HTR1D: variants seen among roughly 807,000 people sequenced by gnomAD.
HTR1D encodes 5-hydroxytryptamine receptor 1D, also known as 5-HT-1D.
HTR1D carries 18 observed loss-of-function variants against 21.1 expected under a neutral mutation model. The ratio of observed to expected loss-of-function variants is 0.85; its 90% CI spans 0.59 to 1.27. HTR1D has a LOEUF of 1.27. Among genes scored for constraint, HTR1D ranks in the 50% most tolerant of loss-of-function variants. The pLI is 0.00. For missense variants in HTR1D, 456 were observed against 481.4 expected, an observed-to-expected ratio of 0.95 and a Z score of 0.49; for synonymous variants, 196 against 204.4, an observed-to-expected ratio of 0.96 and a Z score of 0.35.
chr1:23,194,438 C>T lies in HTR1D; in HGVS notation c.-219G>A, dbSNP rs143351857. 1.8e-3 allele frequency: 592 copies of T among 335,016 alleles called. 4 individuals carry two copies. Among genetic ancestry groups the T allele is most frequent in the African/African-American group, 0.011 (530 of 46,792 alleles). The allele number at this position is 335,016 out of a possible 1,614,324, so 20.8% of individuals were successfully genotyped here. ...ATAATAATAATAATATTAAACAAGA[C>T]CGGACTATTTGAAGAATGCTGAGAC... On this transcript the variant is annotated 5_prime_UTR_variant, in exon 2 of 2. Transcript: ENST00000374619.
In HTR1D at chr1:23,217,185, G is replaced by T. The variant is rs1431022964; in HGVS notation, c.-783+106C>A. ...CGCCCGTCCGAGGGCACAGAGAGGC[G>T]GGACGCCCCGGGCCCCCGAGGCCCC... On this transcript the variant is annotated intron_variant, in intron 1 of 1. Coordinates refer to ENST00000374619, the MANE Select transcript of HTR1D (RefSeq NM_000864.5). This position sits in a 1 kb window ranked among gnomAD's most constrained non-coding sequence, Gnocchi z 4.6. Among the ~76,000 whole-genome samples, 1 of 151,596 alleles carries T rather than the reference G, an allele frequency of 6.6e-6. No homozygotes were observed. The highest frequency in any genetic ancestry group is 1.5e-5 in the Non-Finnish European group (1 of 67,810).
intron 1 of HTR1D, among the ~76,000 whole-genome samples, chr1:23,205,929 T>C (rs979025911): frequency 5.9e-5 from 9 of 152,224 alleles, no homozygotes; most frequent in African/African-American, 1.9e-4. Flanking sequence ...CCACTCCCAC[T>C]GCCACTGTTC....
At chr1:23,210,020 T>TGTG (rs1233551792) in intron 1 of HTR1D, among the ~76,000 whole-genome samples, 2 of 152,128 alleles carry the variant, frequency 1.3e-5, no homozygotes, top group Non-Finnish European at 2.9e-5. Context: ...CTTGAATGTG[T>TGTG]ACATGCATTA....
chr1:23,215,230 A>G (rs1001972824), intron 1 of HTR1D, among the ~76,000 whole-genome samples: 3 of 152,260 alleles, frequency 2.0e-5, no homozygotes, highest in African/African-American at 7.2e-5. Flanking sequence ...CAGCCTGGGC[A>G]ACATGGCGAC....
At chr1:23,204,001 A>C (rs2148241213) in intron 1 of HTR1D, among the ~76,000 whole-genome samples, 1 of 152,280 alleles carries the variant, frequency 6.6e-6, no homozygotes, top group South Asian at 2.1e-4. Flanking sequence ...AAAAAAAATT[A>C]GCGCTTGCCT....
chr1:23,205,999 G>C (rs182642940), intron 1 of HTR1D, among the ~76,000 whole-genome samples: 275 of 151,874 alleles, frequency 1.8e-3, no homozygotes, highest in Non-Finnish European at 3.1e-3. Context: ...CTCTACCCCT[G>C]GCTCCTCTCC....
rs535469077 is a variant in HTR1D at position 23,194,406 on chromosome 1, A to C, written c.-187T>G. ...GTACAGTTGCAATAAAATAAAATTAAATAACAATAATAATAATAATATTAA... is the reference window on the plus strand; with the variant it reads ...GTACAGTTGCAATAAAATAAAATTACATAACAATAATAATAATAATATTAA... On this transcript the variant is annotated 5_prime_UTR_variant, in exon 2 of 2. The change creates a new upstream start codon in the 5' untranslated region. Transcript: ENST00000374619. 3.3e-5 allele frequency: 14 copies of C among 425,132 alleles called. No homozygotes were observed. The highest frequency in any genetic ancestry group is 2.0e-4 in the African/African-American group (10 of 49,854). The allele number at this position is 425,132 out of a possible 1,614,324, so 26.3% of individuals were successfully genotyped here. A position where few individuals can be genotyped will look rare whatever the true frequency, so the allele number is the denominator to read the frequency against.
intron 1 of HTR1D, among the ~76,000 whole-genome samples, chr1:23,212,613 T>C (rs1218010407): frequency 2.0e-5 from 3 of 152,196 alleles, no homozygotes; most frequent in South Asian, 2.1e-4. Flanking sequence ...GGGATACGGC[T>C]TTGTTCATAG....
At position 23,193,211 on chromosome 1, in the gene HTR1D, G is replaced by A; in HGVS notation, c.1009C>T (p.Leu337Phe). 1.2e-6 allele frequency: 2 copies of A among 1,614,124 alleles called. No homozygotes were observed. Among genetic ancestry groups the A allele is most frequent in the Non-Finnish European group, 1.7e-6 (2 of 1,180,032 alleles). Residue 337 changes from leucine (L) to phenylalanine (F), a missense_variant, in exon 2 of 2, where the codon CTC becomes TTC. Coordinates refer to ENST00000374619, the MANE Select transcript of HTR1D (RefSeq NM_000864.5). ...CCTAGCCAGGTGAAGAAGTCAAAGA[G>A]CGCCGGGTGGATCCAGCAGGAGTCC... ...CRDSCWIHPALFDFFTWLGYL... is the reference protein window; with the variant it reads ...CRDSCWIHPAFFDFFTWLGYL...
chr1:23,197,662 C>T (rs1447200704), intron 1 of HTR1D, among the ~76,000 whole-genome samples: 1 of 150,750 alleles, frequency 6.6e-6, no homozygotes, highest in Non-Finnish European at 1.5e-5. Context: ...GCAGAGGTTG[C>T]AGTGAGCCAA....
chr1:23,208,344 G>C (rs561761922), intron 1 of HTR1D, among the ~76,000 whole-genome samples: 16 of 152,220 alleles, frequency 1.1e-4, no homozygotes, highest in African/African-American at 3.6e-4. Context: ...GGTCGAGGCG[G>C]GTGGAACACC....
intron 1 of HTR1D, among the ~76,000 whole-genome samples, chr1:23,200,449 G>T (rs1046249897): frequency 2.0e-5 from 3 of 152,232 alleles, no homozygotes; most frequent in African/African-American, 7.2e-5. Flanking sequence ...TGATGGAGAT[G>T]ATAATCCAAA....
In HTR1D at chr1:23,193,176, G is replaced by A. The variant is rs751301916; in HGVS notation, c.1044C>T (p.Asn348=). The change falls in exon 2 of 2, where the codon AAC becomes AAT. Residue 348 remains asparagine (N), a synonymous_variant. Coordinates refer to ENST00000374619, the MANE Select transcript of HTR1D (RefSeq NM_000864.5). The part of the protein sequence containing the change: ...FDFFTWLGYL[N]SLINPIIYTV... ...TGTAGATTATTGGATTGATGAGGGAGTTTAAATAGCCTAGCCAGGTGAAGA... is the reference window on the plus strand; with the variant it reads ...TGTAGATTATTGGATTGATGAGGGAATTTAAATAGCCTAGCCAGGTGAAGA... 1.9e-6 allele frequency: 3 copies of A among 1,612,858 alleles called. No homozygotes were observed. Among genetic ancestry groups the A allele is most frequent in the African/African-American group, 2.7e-5 (2 of 74,516 alleles).
At chr1:23,197,179 TAAGCCCTCCAGCCCTCAGC>T (rs1644692067) in intron 1 of HTR1D, among the ~76,000 whole-genome samples, 1 of 152,054 alleles carries the variant, frequency 6.6e-6, no homozygotes, top group South Asian at 2.1e-4. Flanking sequence ...GGTGTGTGTG[TAAGCCCTCCAGCCCTCAGC>T]AACATCTTGG....
intron 1 of HTR1D, among the ~76,000 whole-genome samples, chr1:23,196,538 C>A (rs1408971752): frequency 2.6e-5 from 4 of 151,774 alleles, no homozygotes; most frequent in African/African-American, 7.3e-5. Context: ...AAAAAAAAAT[C>A]TGCCTGGAGG....
chr1:23,195,726 G>A (rs552995916), intron 1 of HTR1D, among the ~76,000 whole-genome samples: 25 of 152,124 alleles, frequency 1.6e-4, no homozygotes, highest in Middle Eastern at 3.4e-3. Context: ...ATGAACTACT[G>A]TGGCTGGCCC....
intron 1 of HTR1D, among the ~76,000 whole-genome samples, chr1:23,208,898 A>C (rs960407777): frequency 1.3e-5 from 2 of 152,224 alleles, no homozygotes; most frequent in Admixed American, 1.3e-4. Flanking sequence ...AAGAATGTAA[A>C]AAAAGAATAT....
At chr1:23,202,428 C>A (rs1297983575) in intron 1 of HTR1D, among the ~76,000 whole-genome samples, 1 of 152,118 alleles carries the variant, frequency 6.6e-6, no homozygotes, top group Admixed American at 6.6e-5. Flanking sequence ...CAAAAGCTGG[C>A]CTCTTACAAA....
chr1:23,206,805 A>G (rs1461313390), intron 1 of HTR1D, among the ~76,000 whole-genome samples: 1 of 151,966 alleles, frequency 6.6e-6, no homozygotes, highest in Non-Finnish European at 1.5e-5. Context: ...CAGTAACAGG[A>G]GCTCCTTGAG....
Sources: gnomAD v4.1 joint callset for allele counts (sites outside exome capture counted in the v4.1 genomes callset) on GRCh38, gnomAD v4.1.1 for gene constraint, Gnocchi (gnomAD v3.1) non-coding constraint, MANE v1.5 for transcripts, NCBI Gene and HGNC (gene_info 2026-07-23, HGNC 2026-07-21) for gene names.